The following NBAS variants were observed in gnomAD, a reference collection of about 807,000 sequenced individuals.
The protein encoded by NBAS is NBAS subunit of NRZ tethering complex.
Under a neutral mutation model 302.5 loss-of-function variants are expected in NBAS, and 219 were observed. The observed-to-expected ratio is 0.72, with a 90% CI of 0.65 to 0.81. The LOEUF is 0.81. NBAS is among the 30% of genes least tolerant of loss of function. The probability of loss-of-function intolerance (pLI) is 0.00; values close to 1 mark genes in which losing one functional copy is unlikely to be tolerated. For synonymous variants in NBAS, 1,118 were observed against 1,021.6 expected, an observed-to-expected ratio of 1.09 and a Z score of -1.80; for missense variants, 2,932 against 2,841.6, an observed-to-expected ratio of 1.03 and a Z score of -0.72.
At chr2:15,468,293 T>G in intron 17 of NBAS, 89 bp downstream of exon 17, 1 of 1,482,270 alleles carries the variant, frequency 6.7e-7, no homozygotes, top group East Asian at 2.3e-5. Flanking sequence ...ATAACTTAAA[T>G]AAAGAAAAGT....
chr2:15,429,398 C>T (rs1056627000), intron 21 of NBAS, among the ~76,000 whole-genome samples: 2 of 152,010 alleles, frequency 1.3e-5, no homozygotes, highest in Non-Finnish European at 2.9e-5. Context: ...TTATCATAGC[C>T]CCAGAAAAAG....
intron 21 of NBAS, among the ~76,000 whole-genome samples, chr2:15,458,793 A>C (rs900494369): frequency 6.6e-6 from 1 of 152,146 alleles, no homozygotes; most frequent in Non-Finnish European, 1.5e-5. Context: ...TTACAACTAT[A>C]CAAAAAAACA....
chr2:15,161,568 A>T, the NBAS span, among the ~76,000 whole-genome samples: 1 of 152,160 alleles, frequency 6.6e-6, no homozygotes, highest in African/African-American at 2.4e-5. Flanking sequence ...CCCTTTTCTA[A>T]GGGAGAAGCA....
intron 22 of NBAS, 80 bp from the exon 23 acceptor site, chr2:15,424,548 C>T: frequency 6.6e-7 from 1 of 1,509,342 alleles, no homozygotes; most frequent in Non-Finnish European, 9.2e-7. Context: ...AAGACAGGGA[C>T]AGAGATGGGG....
chr2:15,110,549 G>A, the NBAS span, among the ~76,000 whole-genome samples: 6 of 152,224 alleles, frequency 3.9e-5, no homozygotes, highest in South Asian at 1.2e-3. Context: ...TCGCCAGAGT[G>A]ATGGAGAGAG....
chr2:15,369,425 C>T (rs903160909), intron 31 of NBAS, among the ~76,000 whole-genome samples: 1 of 152,190 alleles, frequency 6.6e-6, no homozygotes, highest in Non-Finnish European at 1.5e-5. Context: ...AAGCGATGCA[C>T]ACTACTAATA....
At chr2:15,001,112 G>T in the NBAS span, among the ~76,000 whole-genome samples, 1 of 152,120 alleles carries the variant, frequency 6.6e-6, no homozygotes, top group Non-Finnish European at 1.5e-5. Context: ...TTGATGACAC[G>T]TTATGAATTT....
chr2:15,539,403 G>A (rs181700601), intron 6 of NBAS, 47 bp from the exon 7 acceptor site: 1 of 1,608,672 alleles, frequency 6.2e-7, no homozygotes, highest in Non-Finnish European at 8.5e-7. Context: ...ATATTACAAA[G>A]ATAGTTAATG....
At chr2:15,359,007 TA>T (rs1673765533) in intron 32 of NBAS, among the ~76,000 whole-genome samples, 1 of 152,170 alleles carries the variant, frequency 6.6e-6, no homozygotes, top group South Asian at 2.1e-4. Flanking sequence ...ACTGTCCTCC[TA>T]AAATAAAACT....
chr2:15,504,073 G>A (rs982563470), intron 11 of NBAS, 72 bp downstream of exon 11: 1 of 1,280,670 alleles, frequency 7.8e-7, no homozygotes, highest in Non-Finnish European at 1.1e-6. Flanking sequence ...GGTTCATTCA[G>A]CTTTGACCTT....
At chr2:14,910,350 G>T in the NBAS span, among the ~76,000 whole-genome samples, 5 of 152,324 alleles carry the variant, frequency 3.3e-5, no homozygotes, top group African/African-American at 1.2e-4. Flanking sequence ...TCTGCTCTGA[G>T]CCTCAAGCTC....
the NBAS span, among the ~76,000 whole-genome samples, chr2:14,792,673 AT>A: frequency 6.6e-6 from 1 of 150,796 alleles, no homozygotes; most frequent in Admixed American, 6.6e-5. Context: ...ACCTATGGAA[AT>A]TAAAAAAAAA....
At chr2:15,397,332 A>T (rs1308475666) in intron 26 of NBAS, 1 of 224,518 alleles carries the variant, frequency 4.5e-6, no homozygotes, top group Non-Finnish European at 8.6e-6. Context: ...AACTCCAGCA[A>T]GATCTTATGG....
rs1435584547 is a variant in NBAS at position 15,473,259 on chromosome 2, T to C, written c.1688A>G (p.Lys563Arg). 6.2e-7 allele frequency: 1 copy of C among 1,614,124 alleles called. No homozygotes were observed. Among genetic ancestry groups the C allele is most frequent in the Admixed American group, 1.7e-5 (1 of 60,022 alleles). Residue 563 changes from lysine (K) to arginine (R), a missense_variant, in exon 16 of 52, where the codon AAG (lysine) becomes AGG (arginine). Physicochemically the swap from Lys to Arg is conservative, Grantham distance 26 (BLOSUM62 2). Coordinates refer to ENST00000281513, the MANE Select transcript of NBAS (RefSeq NM_015909.4). ...TDLVYQRQWR[K>R]SAVNVASIQN... ...AATTGAAGCAACGTTGACCGCTGAC[T>C]TCCTCCACTGCCTCTGATATACAAG...
intron 9 of NBAS, among the ~76,000 whole-genome samples, chr2:15,521,821 G>T (rs1205686004): frequency 6.6e-6 from 1 of 152,090 alleles, no homozygotes; most frequent in Non-Finnish European, 1.5e-5. Flanking sequence ...ATCTATTTTT[G>T]TAAATAAAGC....
the NBAS span, among the ~76,000 whole-genome samples, chr2:14,845,432 G>T: frequency 6.6e-6 from 1 of 152,122 alleles, no homozygotes; most frequent in African/African-American, 2.4e-5. Flanking sequence ...TCCTAAGAAG[G>T]ACAGGTACAA....
intron 27 of NBAS, among the ~76,000 whole-genome samples, chr2:15,395,556 C>T (rs954572291): frequency 6.6e-6 from 1 of 152,058 alleles, no homozygotes; most frequent in Non-Finnish European, 1.5e-5. Flanking sequence ...CTCTATTAAA[C>T]TCACATATTA....
At chr2:15,398,974 T>C (rs568922672) in intron 26 of NBAS, among the ~76,000 whole-genome samples, 1 of 152,300 alleles carries the variant, frequency 6.6e-6, no homozygotes, top group South Asian at 2.1e-4. Flanking sequence ...GAGGCATTTC[T>C]TAGCCTATAC....
At chr2:14,841,591 CATT>C in the NBAS span, among the ~76,000 whole-genome samples, 1 of 151,032 alleles carries the variant, frequency 6.6e-6, no homozygotes, top group Non-Finnish European at 1.5e-5. Flanking sequence ...TAAAAAAGGT[CATT>C]ATATGATGAT....
Sources: allele counts gnomAD v4.1 joint callset (sites outside exome capture counted in the v4.1 genomes callset), GRCh38; gene constraint gnomAD v4.1.1; transcripts MANE v1.5; gene names NCBI Gene and HGNC (gene_info 2026-07-23, HGNC 2026-07-21).